The following SYT6 variants were observed in gnomAD, a reference collection of about 807,000 sequenced individuals.
SYT6 encodes synaptotagmin-6.
A neutral mutation model predicts 38.4 loss-of-function variants in SYT6; 24 were observed. The ratio of observed to expected loss-of-function variants is 0.62; its 90% CI spans 0.45 to 0.88. SYT6 has a LOEUF of 0.88. Ranked by LOEUF, SYT6 falls within the 40% of genes least tolerant of loss-of-function variation. The probability of loss-of-function intolerance (pLI) is 0.00; values close to 1 mark genes in which losing one functional copy is unlikely to be tolerated. For missense variants in SYT6, 611 were observed against 621.0 expected (o/e 0.98, Z 0.17); for synonymous variants, 265 against 241.9 (o/e 1.10, Z -0.89).
At chr1:114,099,297 G>T (rs1450065430) in intron 4 of SYT6, 32 bp from the exon 5 acceptor site, 10 of 1,592,738 alleles carry the variant, frequency 6.3e-6, no homozygotes, top group African/African-American at 1.3e-5. Context: ...AAAGGGAATG[G>T]AGTATGTTAA....
At chr1:114,144,732 G>A (rs1263872453) in intron 1 of SYT6, among the ~76,000 whole-genome samples, 2 of 152,056 alleles carry the variant, frequency 1.3e-5, no homozygotes, top group African/African-American at 2.4e-5. Context: ...GGGGATCCAG[G>A]TACTCCCACA....
chr1:114,099,680 T>C (rs1571819836), intron 4 of SYT6, among the ~76,000 whole-genome samples: 1 of 152,330 alleles, frequency 6.6e-6, no homozygotes. Context: ...TTGAGTGGCT[T>C]TTTTGTTTTA....
intron 3 of SYT6, among the ~76,000 whole-genome samples, chr1:114,129,424 C>T (rs186431417): frequency 1.4e-5 from 2 of 145,896 alleles, no homozygotes; most frequent in South Asian, 2.1e-4. Flanking sequence ...TTACCTCTCC[C>T]GCCTCTTACC....
At chr1:114,119,177 G>A (rs1677216491) in intron 3 of SYT6, among the ~76,000 whole-genome samples, 1 of 152,206 alleles carries the variant, frequency 6.6e-6, no homozygotes, top group Non-Finnish European at 1.5e-5. Context: ...ACAGGCCCCT[G>A]TTCATTTCAC....
chr1:114,146,641 G>C (rs895922116), intron 1 of SYT6, among the ~76,000 whole-genome samples: 1 of 152,228 alleles, frequency 6.6e-6, no homozygotes, highest in African/African-American at 2.4e-5. Flanking sequence ...CAGTAAGGGA[G>C]AGAGGGCTCA....
At chr1:114,093,946 T>G in intron 6 of SYT6, 143 bp from the exon 7 acceptor site, 2 of 782,134 alleles carry the variant, frequency 2.6e-6, no homozygotes, top group Non-Finnish European at 4.3e-6. Context: ...AGTTCTACTT[T>G]TCTGTTACAA....
At chr1:114,135,736 C>T (rs1393906524) in intron 3 of SYT6, among the ~76,000 whole-genome samples, 5 of 152,208 alleles carry the variant, frequency 3.3e-5, no homozygotes, top group African/African-American at 1.2e-4. Context: ...ATGGTGGGCT[C>T]TGGCAAGGAG....
intron 3 of SYT6, 120 bp downstream of exon 3, chr1:114,137,375 C>T (rs1175761568): frequency 1.6e-6 from 2 of 1,218,794 alleles, no homozygotes; most frequent in Admixed American, 5.0e-5. Context: ...TCCAGAGTCC[C>T]TCTTCACATC....
chr1:114,106,041 C>T (rs533399522), intron 3 of SYT6, among the ~76,000 whole-genome samples: 170 of 152,274 alleles, frequency 1.1e-3, no homozygotes, highest in Non-Finnish European at 2.2e-3. Flanking sequence ...CTCCTGGCTC[C>T]CTAGTCCCCT....
chr1:114,108,002 G>T (rs1571836298), intron 3 of SYT6, among the ~76,000 whole-genome samples: 1 of 152,356 alleles, frequency 6.6e-6, no homozygotes, highest in Non-Finnish European at 1.5e-5. Context: ...GAAAGCAGCA[G>T]AAACCAGCGT....
At chr1:114,135,548 CTT>C (rs1404229056) in intron 3 of SYT6, among the ~76,000 whole-genome samples, 6 of 152,134 alleles carry the variant, frequency 3.9e-5, no homozygotes, top group Non-Finnish European at 8.8e-5. Context: ...GTCCTATGCT[CTT>C]TGGTTGATCT....
At chr1:114,118,234 C>G (rs1677119314) in intron 3 of SYT6, among the ~76,000 whole-genome samples, 1 of 152,244 alleles carries the variant, frequency 6.6e-6, no homozygotes, top group Non-Finnish European at 1.5e-5. Flanking sequence ...TGATAAAGCG[C>G]CAAATTAGCT....
intron 3 of SYT6, among the ~76,000 whole-genome samples, chr1:114,136,104 G>A (rs1678468720): frequency 6.6e-6 from 1 of 152,162 alleles, no homozygotes; most frequent in African/African-American, 2.4e-5. Flanking sequence ...CCATTGGGCT[G>A]GACTGGTCAA....
intron 3 of SYT6, among the ~76,000 whole-genome samples, chr1:114,107,535 G>A (rs924456875): frequency 2.0e-5 from 3 of 152,272 alleles, no homozygotes; most frequent in Admixed American, 6.5e-5. Context: ...GCACGGGGGA[G>A]TGGCTGGCCC....
intron 1 of SYT6, among the ~76,000 whole-genome samples, chr1:114,141,376 C>A (rs1678856206): frequency 6.6e-6 from 1 of 152,146 alleles, no homozygotes; most frequent in South Asian, 2.1e-4. Flanking sequence ...TCAAACCAGC[C>A]CCAACATTCT....
At chr1:114,116,672 G>T (rs1257902579) in intron 3 of SYT6, among the ~76,000 whole-genome samples, 1 of 152,124 alleles carries the variant, frequency 6.6e-6, no homozygotes, top group African/African-American at 2.4e-5. Flanking sequence ...ATGCCACTAG[G>T]AAGCAAGAGG....
chr1:114,114,635 CAT>C (rs1481010135), intron 3 of SYT6, among the ~76,000 whole-genome samples: 2 of 152,190 alleles, frequency 1.3e-5, no homozygotes, highest in African/African-American at 4.8e-5. Flanking sequence ...TCTACTGAGT[CAT>C]CATCTCTGGA....
At chr1:114,142,523 T>C (rs557655564) in intron 1 of SYT6, among the ~76,000 whole-genome samples, 3 of 152,328 alleles carry the variant, frequency 2.0e-5, no homozygotes, top group East Asian at 3.9e-4. Flanking sequence ...ACAAAGGACT[T>C]AGAATATTAC....
intron 3 of SYT6, among the ~76,000 whole-genome samples, chr1:114,128,213 G>A (rs1206288552): frequency 1.3e-5 from 2 of 152,198 alleles, no homozygotes; most frequent in African/African-American, 2.4e-5. Context: ...TTGCCCTGCT[G>A]GCCTCTTTCA....
Sources: gnomAD v4.1 joint callset for allele counts (sites outside exome capture counted in the v4.1 genomes callset) on GRCh38, gnomAD v4.1.1 for gene constraint, MANE v1.5 for transcripts, NCBI Gene and HGNC (gene_info 2026-07-23, HGNC 2026-07-21) for gene names.